The following LPP variants were observed in gnomAD, a reference collection of about 807,000 sequenced individuals.
LPP encodes lipoma-preferred partner.
A neutral mutation model predicts 60.4 loss-of-function variants in LPP; 38 were observed. The ratio of observed to expected loss-of-function variants is 0.63; its 90% CI spans 0.49 to 0.83. LPP has a LOEUF of 0.83. LPP is among the 40% of genes least tolerant of loss of function. LPP has a pLI of 0.00. For missense variants in LPP, 902 were observed against 783.6 expected, an observed-to-expected ratio of 1.15 and a Z score of -1.80; for synonymous variants, 328 against 290.8, an observed-to-expected ratio of 1.13 and a Z score of -1.30.
chr3:188,763,858 T>C (rs1733189319), intron 9 of LPP, among the ~76,000 whole-genome samples: 1 of 152,130 alleles, frequency 6.6e-6, no homozygotes, highest in Non-Finnish European at 1.5e-5. Flanking sequence ...CTTTGATTTA[T>C]ATTACCAAAT....
chr3:188,234,930 C>A (rs1188644000), intron 2 of LPP, among the ~76,000 whole-genome samples: 2 of 152,190 alleles, frequency 1.3e-5, no homozygotes, highest in Non-Finnish European at 2.9e-5. Flanking sequence ...ATCTCCTGTT[C>A]CCCTTCTTCC....
chr3:188,381,974 A>T (rs1777030686), intron 3 of LPP, among the ~76,000 whole-genome samples: 1 of 150,454 alleles, frequency 6.6e-6, no homozygotes, highest in Non-Finnish European at 1.5e-5. Flanking sequence ...TTTTGTAGAG[A>T]CAGGGGTCTT....
At chr3:188,869,336 G>A (rs1429122037) in intron 10 of LPP, among the ~76,000 whole-genome samples, 1 of 151,972 alleles carries the variant, frequency 6.6e-6, no homozygotes, top group African/African-American at 2.4e-5. Context: ...TGTCACCCAG[G>A]CTGGAATGCA....
rs1176800606 is a variant in LPP, at chr3:188,875,213, T to C, written c.*734T>C. ...TTCTAAAGAAATTACAGGTGGGATA[T>C]GCTAGAAAAGGCATTTTGGGGTTAT... is the stretch of plus-strand genomic sequence containing the variant. On this transcript the variant is annotated 3_prime_UTR_variant, in exon 12 of 12. Coordinates refer to ENST00000617246, the MANE Select transcript of LPP (RefSeq NM_001375462.1). 1 of 218,094 alleles carries C rather than the reference T, an allele frequency of 4.6e-6. No individual in the cohort carries two copies. Among genetic ancestry groups the C allele is most frequent in the Non-Finnish European group, 9.2e-6 (1 of 108,604 alleles). 13.5% of individuals were successfully genotyped at this position (218,094 alleles called of 1,614,324 possible). A position where few individuals can be genotyped will look rare whatever the true frequency, so the allele number is the denominator to read the frequency against.
At chr3:188,628,746 A>G (rs538269691) in intron 7 of LPP, among the ~76,000 whole-genome samples, 22 of 152,290 alleles carry the variant, frequency 1.4e-4, no homozygotes, top group African/African-American at 4.3e-4. Context: ...TCCCTCAATC[A>G]TTCTATAACG....
At chr3:188,442,583 C>G (rs1437883308) in intron 4 of LPP, among the ~76,000 whole-genome samples, 3 of 152,100 alleles carry the variant, frequency 2.0e-5, no homozygotes, top group Non-Finnish European at 4.4e-5. Context: ...AGATTGGTGG[C>G]CCGGGCAGCA....
intron 9 of LPP, among the ~76,000 whole-genome samples, chr3:188,773,033 G>A (rs1577457778): frequency 6.6e-6 from 1 of 152,134 alleles, no homozygotes; most frequent in African/African-American, 2.4e-5. Flanking sequence ...CAGCTGTCTA[G>A]CTTCCAGCCG....
intron 5 of LPP, among the ~76,000 whole-genome samples, chr3:188,517,997 A>G (rs1227572650): frequency 1.3e-5 from 2 of 152,128 alleles, no homozygotes; most frequent in African/African-American, 4.8e-5. Flanking sequence ...CTCTCTCACC[A>G]TATGACATGC....
intron 7 of LPP, among the ~76,000 whole-genome samples, chr3:188,655,060 CAT>C (rs1196292524): frequency 1.3e-5 from 2 of 152,100 alleles, no homozygotes; most frequent in African/African-American, 4.8e-5. Flanking sequence ...CAGGTGAATG[CAT>C]ATATATCATA....
chr3:188,484,544 T>C (rs1046727875), intron 4 of LPP, 48 bp from the exon 5 acceptor site: 2 of 1,336,088 alleles, frequency 1.5e-6, no homozygotes, highest in Non-Finnish European at 2.1e-6. Flanking sequence ...ACGAGTACTA[T>C]AACGTTGCAT....
chr3:188,563,474 G>GTT (rs66932845), intron 6 of LPP, among the ~76,000 whole-genome samples: 1 of 149,030 alleles, frequency 6.7e-6, no homozygotes, highest in South Asian at 2.1e-4. Flanking sequence ...GTGTGTGTGT[G>GTT]TGTGTGTGTG....
intron 2 of LPP, among the ~76,000 whole-genome samples, chr3:188,240,554 G>A (rs1724025251): frequency 6.6e-6 from 1 of 152,134 alleles, no homozygotes; most frequent in Admixed American, 6.6e-5. Context: ...TAGAGTAGTT[G>A]AGAGCTTTAT....
intron 7 of LPP, among the ~76,000 whole-genome samples, chr3:188,647,841 T>C (rs1580678344): frequency 6.6e-6 from 1 of 152,292 alleles, no homozygotes. Context: ...CAAAAAGTGT[T>C]CCTCTTTCAT....
At chr3:188,822,166 TC>T (rs1325214909) in intron 9 of LPP, among the ~76,000 whole-genome samples, 1 of 152,068 alleles carries the variant, frequency 6.6e-6, no homozygotes, top group Non-Finnish European at 1.5e-5. Flanking sequence ...AATGAGTGGG[TC>T]CACTTCCTCT....
At chr3:188,712,868 T>C (rs1480429587) in intron 8 of LPP, 1 of 152,184 alleles carries the variant, frequency 6.6e-6, no homozygotes, top group Non-Finnish European at 1.5e-5. Flanking sequence ...GTCATGTTGC[T>C]TTGCTTCCAA....
At chr3:188,547,554 G>A (rs760712815) in intron 6 of LPP, among the ~76,000 whole-genome samples, 1 of 152,126 alleles carries the variant, frequency 6.6e-6, no homozygotes, top group Non-Finnish European at 1.5e-5. Context: ...ATTTGCAAGA[G>A]CTTTACTGCT....
chr3:188,353,838 G>A (rs1454250048), intron 3 of LPP, among the ~76,000 whole-genome samples: 1 of 152,134 alleles, frequency 6.6e-6, no homozygotes, highest in Non-Finnish European at 1.5e-5. Flanking sequence ...TTTGAAATAA[G>A]CCTTGAACTA....
At chr3:188,194,237 T>C (rs568699208) in intron 1 of LPP, among the ~76,000 whole-genome samples, 1 of 152,374 alleles carries the variant, frequency 6.6e-6, no homozygotes, top group Non-Finnish European at 1.5e-5. Context: ...AATTTTTTCC[T>C]CTGTACTTCG....
chr3:188,465,587 CA>C (rs1413148856), intron 4 of LPP, among the ~76,000 whole-genome samples: 6 of 152,156 alleles, frequency 3.9e-5, no homozygotes, highest in African/African-American at 1.4e-4. Context: ...TCGAAAACCA[CA>C]ATCTAATAAA....
Sources: gnomAD v4.1 joint callset for allele counts (sites outside exome capture counted in the v4.1 genomes callset) on GRCh38, gnomAD v4.1.1 for gene constraint, MANE v1.5 for transcripts, NCBI Gene and HGNC (gene_info 2026-07-23, HGNC 2026-07-21) for gene names.